The following LINGO2 variants were observed in gnomAD, a reference collection of about 807,000 sequenced individuals.
The protein encoded by LINGO2 is leucine rich repeat and Ig domain containing 2.
LINGO2 carries 14 observed loss-of-function variants against 30.6 expected under a neutral mutation model. That is an observed-to-expected ratio of 0.46 (90% CI 0.30 to 0.72). The LOEUF (loss-of-function observed/expected upper bound fraction) is 0.72. LINGO2 is among the 30% of genes least tolerant of loss of function. The pLI is 0.07. For synonymous variants in LINGO2, 317 were observed against 288.5 expected, an observed-to-expected ratio of 1.10 and a Z score of -1.00; for missense variants, 729 against 751.7, an observed-to-expected ratio of 0.97 and a Z score of 0.35.
chr9:28,352,131 G>C (rs1819926174), intron 3 of LINGO2, among the ~76,000 whole-genome samples: 1 of 150,664 alleles, frequency 6.6e-6, no homozygotes, highest in Non-Finnish European at 1.5e-5. Flanking sequence ...ATTCAACATA[G>C]TGTTGGAAGT....
At chr9:28,597,303 T>G (rs73443312) in intron 1 of LINGO2, among the ~76,000 whole-genome samples, 2 of 152,252 alleles carry the variant, frequency 1.3e-5, no homozygotes, top group African/African-American at 4.8e-5. Flanking sequence ...CAAAATCAAC[T>G]GCACTTCTTG....
the LINGO2 span, among the ~76,000 whole-genome samples, chr9:29,205,367 T>C: frequency 1.3e-5 from 2 of 152,184 alleles, no homozygotes; most frequent in Non-Finnish European, 2.9e-5. Flanking sequence ...GTTAATATGG[T>C]GAACTATTCA....
the LINGO2 span, among the ~76,000 whole-genome samples, chr9:29,168,736 C>T: frequency 6.6e-6 from 1 of 152,090 alleles, no homozygotes; most frequent in South Asian, 2.1e-4. Flanking sequence ...GAAAGTGGAT[C>T]CCAGATGACA....
chr9:28,984,603 A>G, the LINGO2 span, among the ~76,000 whole-genome samples: 2 of 152,092 alleles, frequency 1.3e-5, no homozygotes, highest in Non-Finnish European at 2.9e-5. Context: ...AAAATGAATG[A>G]CAGATACTTT....
chr9:28,356,239 A>C (rs1352974735), intron 3 of LINGO2, among the ~76,000 whole-genome samples: 1 of 152,172 alleles, frequency 6.6e-6, no homozygotes, highest in South Asian at 2.1e-4. Context: ...TTTTAAAAAA[A>C]ATCATTGAAT....
intron 3 of LINGO2, among the ~76,000 whole-genome samples, chr9:28,351,041 A>G (rs1659793438): frequency 6.6e-6 from 1 of 152,148 alleles, no homozygotes; most frequent in South Asian, 2.1e-4. Context: ...CCCACAAGAG[A>G]AAGCAGGAAA....
intron 1 of LINGO2, among the ~76,000 whole-genome samples, chr9:28,629,731 A>C (rs866049530): frequency 6.6e-6 from 1 of 152,034 alleles, no homozygotes; most frequent in Non-Finnish European, 1.5e-5. Context: ...GTACAATATA[A>C]AACTAAGGAT....
At chr9:28,625,653 C>A (rs912315184) in intron 1 of LINGO2, among the ~76,000 whole-genome samples, 1 of 151,632 alleles carries the variant, frequency 6.6e-6, no homozygotes, top group Non-Finnish European at 1.5e-5. Flanking sequence ...TGAGGTATGC[C>A]CATTTTTTTC....
chr9:28,677,627 G>A, the LINGO2 span, among the ~76,000 whole-genome samples: 17 of 151,964 alleles, frequency 1.1e-4, no homozygotes, highest in African/African-American at 4.1e-4. Context: ...ACTGTCTAAC[G>A]CTCTCACATA....
At chr9:28,493,752 A>T (rs113247028) in intron 1 of LINGO2, among the ~76,000 whole-genome samples, 2 of 152,208 alleles carry the variant, frequency 1.3e-5, no homozygotes, top group Non-Finnish European at 2.9e-5. Flanking sequence ...AAGCAGACCC[A>T]CACTTAATCT....
intron 4 of LINGO2, among the ~76,000 whole-genome samples, chr9:28,020,161 T>A (rs765184809): frequency 6.6e-6 from 1 of 152,090 alleles, no homozygotes; most frequent in Non-Finnish European, 1.5e-5. Flanking sequence ...ATGCAATCCC[T>A]CTCTAAGTGG....
the LINGO2 span, among the ~76,000 whole-genome samples, chr9:28,742,257 T>C: frequency 8.0e-6 from 1 of 124,434 alleles, no homozygotes; most frequent in Non-Finnish European, 1.6e-5. Flanking sequence ...AAAATGTCCA[T>C]CCTACTCTGC....
chr9:28,270,470 A>T (rs767394545), intron 4 of LINGO2, among the ~76,000 whole-genome samples: 4 of 151,922 alleles, frequency 2.6e-5, no homozygotes, highest in Non-Finnish European at 5.9e-5. Flanking sequence ...TCCCTAAAGT[A>T]TGCATATCCC....
In LINGO2 at chr9:28,636,249, G is replaced by A. The variant is rs113624544; in HGVS notation, c.-365+33951C>T. On this transcript the variant is annotated intron_variant, in intron 1 of 5. Coordinates refer to ENST00000379992, the Ensembl canonical transcript of LINGO2. Reference sequence around the variant, plus strand: ...TGATGGACATTTGGGTTGGTTTCAAGTCTTTGCTATTGTGAATAGTGCCAC... The same window carrying A: ...TGATGGACATTTGGGTTGGTTTCAAATCTTTGCTATTGTGAATAGTGCCAC... Among the ~76,000 whole-genome samples the A allele has an allele frequency of 1.7e-3, 257 of 152,282 alleles. 1 individual carries two copies. Among genetic ancestry groups the A allele is most frequent in the African/African-American group, 5.8e-3 (239 of 41,560 alleles).
At chr9:28,829,364 T>C in the LINGO2 span, among the ~76,000 whole-genome samples, 2 of 152,160 alleles carry the variant, frequency 1.3e-5, no homozygotes, top group African/African-American at 4.8e-5. Context: ...GGACAAGAAC[T>C]TAGGATACAG....
the LINGO2 span, among the ~76,000 whole-genome samples, chr9:28,954,846 C>T: frequency 6.6e-6 from 1 of 152,114 alleles, no homozygotes; most frequent in Non-Finnish European, 1.5e-5. Flanking sequence ...TTTCCACCTT[C>T]AGTAACATCA....
the LINGO2 span, among the ~76,000 whole-genome samples, chr9:29,155,115 T>A: frequency 6.6e-6 from 1 of 152,178 alleles, no homozygotes; most frequent in Non-Finnish European, 1.5e-5. Flanking sequence ...TTTTTATTAT[T>A]ATTCTGATTT....
chr9:28,686,636 G>C, the LINGO2 span, among the ~76,000 whole-genome samples: 1 of 151,960 alleles, frequency 6.6e-6, no homozygotes, highest in Non-Finnish European at 1.5e-5. Flanking sequence ...ATTTTATTTA[G>C]TTTTTGGTAA....
chr9:28,392,083 G>A (rs911175840), intron 2 of LINGO2, among the ~76,000 whole-genome samples: 14 of 152,100 alleles, frequency 9.2e-5, no homozygotes, highest in African/African-American at 3.4e-4. Context: ...CGTGCCTGTA[G>A]TCCCGGTTAC....
Sources: gnomAD v4.1 joint callset for allele counts (sites outside exome capture counted in the v4.1 genomes callset) on GRCh38, gnomAD v4.1.1 for gene constraint, MANE v1.5 for transcripts, NCBI Gene and HGNC (gene_info 2026-07-23, HGNC 2026-07-21) for gene names.